Variants in KANK1 observed in about 807,000 individuals in gnomAD.
KANK1 encodes the protein KN motif and ankyrin repeat domain-containing protein 1.
Under a neutral mutation model 106.2 loss-of-function variants are expected in KANK1, and 109 were observed. The ratio of observed to expected loss-of-function variants is 1.03; its 90% CI spans 0.88 to 1.20. The LOEUF (loss-of-function observed/expected upper bound fraction) is 1.20, where lower values mean the gene tolerates loss of function less well. Ranked by LOEUF, KANK1 falls within the 50% of genes most tolerant of loss-of-function variation. The pLI, the probability that KANK1 is intolerant of heterozygous loss-of-function variation, is 0.00. For missense variants in KANK1, 2,399 were observed against 1,710.7 expected (o/e 1.40, Z -7.10); for synonymous variants, 873 against 652.2 (o/e 1.34, Z -5.16).
In KANK1 at chr9:742,411, C is replaced by T. The variant is rs372609027; in HGVS notation, c.3897+6C>T. 10 of 1,607,678 alleles carry T rather than the reference C, an allele frequency of 6.2e-6. No homozygotes were observed. Among genetic ancestry groups the T allele is most frequent in the Non-Finnish European group, 8.5e-6 (10 of 1,176,076 alleles). On this transcript the variant is annotated splice_donor_region_variant and intron_variant, in intron 10 of 11. Coordinates refer to ENST00000382297, the MANE Select transcript of KANK1 (RefSeq NM_015158.5). The stretch of plus-strand genomic sequence containing the variant: ...ACGGTCACCTAGAGGACAACGTAAG[C>T]TGTCTCCATTGGGCCTCCTGGCCAG...
At chr9:589,227 C>T (rs1266294404) in intron 1 of KANK1, among the ~76,000 whole-genome samples, 2 of 152,144 alleles carry the variant, frequency 1.3e-5, no homozygotes, top group Non-Finnish European at 1.5e-5. Flanking sequence ...TTATTAATCT[C>T]ATCTTACAGA....
intron 1 of KANK1, among the ~76,000 whole-genome samples, chr9:602,095 C>T (rs1353336367): frequency 6.6e-6 from 1 of 151,806 alleles, no homozygotes; most frequent in Non-Finnish European, 1.5e-5. Flanking sequence ...TGCACATACC[C>T]TGTAGAAAAA....
chr9:592,916 T>G (rs1825325203), intron 1 of KANK1, among the ~76,000 whole-genome samples: 1 of 151,860 alleles, frequency 6.6e-6, no homozygotes, highest in African/African-American at 2.4e-5. Flanking sequence ...GCTCATTGAC[T>G]TGAGCCAAAT....
At chr9:493,688 C>T (rs1376952159) in intron 3 of KANK1, among the ~76,000 whole-genome samples, 1 of 150,262 alleles carries the variant, frequency 6.7e-6, no homozygotes, top group Non-Finnish European at 1.5e-5. Flanking sequence ...GCTGGGATTA[C>T]AGCTACACAC....
chr9:574,854 CAAAAAA>C (rs57091352), intron 1 of KANK1, among the ~76,000 whole-genome samples: 2 of 79,206 alleles, frequency 2.5e-5, no homozygotes, highest in Non-Finnish European at 6.2e-5. Flanking sequence ...GACTCCGTCT[CAAAAAA>C]AAAAAAAAAA....
intron 1 of KANK1, among the ~76,000 whole-genome samples, chr9:659,683 G>C (rs1355870531): frequency 6.6e-6 from 1 of 151,894 alleles, no homozygotes; most frequent in Non-Finnish European, 1.5e-5. Flanking sequence ...CGTCCTATGT[G>C]GTGGGAGCAG....
At chr9:610,036 C>T (rs965172790) in intron 1 of KANK1, among the ~76,000 whole-genome samples, 4 of 152,098 alleles carry the variant, frequency 2.6e-5, no homozygotes, top group Non-Finnish European at 5.9e-5. Context: ...AATACTGTTA[C>T]ATTAATGTAC....
chr9:732,182 C>A (rs556108190), intron 5 of KANK1, 196 bp from the exon 6 acceptor site: 2 of 558,758 alleles, frequency 3.6e-6, no homozygotes, highest in African/African-American at 1.9e-5. Context: ...TATATGATAC[C>A]GATAACCAGT....
Position 732,377 on chromosome 9 carries a change from G to C in KANK1, c.3006-1G>C. 1 of 1,606,250 alleles carries C rather than the reference G, an allele frequency of 6.2e-7. No individual in the cohort carries two copies. The highest frequency in any genetic ancestry group is 8.5e-7 in the Non-Finnish European group (1 of 1,173,410). ...CTCCTGAAATCCCAATTGCCACCTA[G>C]GTATGAAACAACTTCAAGTGATGAT... On this transcript the variant is annotated splice_acceptor_variant, in intron 5 of 11. Transcript: ENST00000382297. LOFTEE classifies it high-confidence loss of function.
chr9:683,927 T>TG (rs1375536535), intron 2 of KANK1, among the ~76,000 whole-genome samples: 6 of 152,334 alleles, frequency 3.9e-5, no homozygotes, highest in African/African-American at 1.4e-4. Context: ...CTTATAGTGG[T>TG]GGTGTTTGAG....
chr9:523,005 A>C (rs115167500), intron 1 of KANK1, among the ~76,000 whole-genome samples: 6,648 of 151,728 alleles, frequency 0.044, 206 homozygotes, highest in Non-Finnish European at 0.053. Flanking sequence ...GTAAGGTCTC[A>C]GTTCTTGATC....
intron 1 of KANK1, among the ~76,000 whole-genome samples, chr9:525,664 T>C (rs1319708460): frequency 2.0e-5 from 3 of 151,640 alleles, no homozygotes; most frequent in African/African-American, 4.9e-5. Flanking sequence ...CAAAAAGCCG[T>C]AGAATTTCAT....
intron 1 of KANK1, among the ~76,000 whole-genome samples, chr9:609,553 C>T (rs1440719344): frequency 6.6e-6 from 1 of 152,096 alleles, no homozygotes; most frequent in African/African-American, 2.4e-5. Context: ...CATTTGAACC[C>T]CAGGAGGTGG....
rs563251838 is a variant in KANK1, at chr9:668,617, T to G, written c.-83-8273T>G. ...GGTACTATGTTTTAATTTGTTGGGG[T>G]TTTTTTTAGTGTGTTTATCATAGGT... On this transcript the variant is annotated intron_variant, in intron 1 of 11. Transcript: ENST00000382297. Among the ~76,000 whole-genome samples the G allele has an allele frequency of 8.4e-4, 128 of 152,012 alleles. 2 individuals are homozygous for G. The South Asian group carries it at 0.024, about 29-fold the overall frequency.
At chr9:589,909 T>C (rs552636669) in intron 1 of KANK1, among the ~76,000 whole-genome samples, 1 of 152,274 alleles carries the variant, frequency 6.6e-6, no homozygotes, top group South Asian at 2.1e-4. Flanking sequence ...ACGTCTGGGC[T>C]CCAAGTCGAC....
intron 1 of KANK1, among the ~76,000 whole-genome samples, chr9:594,783 TGAG>T (rs1252542423): frequency 6.6e-6 from 1 of 151,850 alleles, no homozygotes; most frequent in Non-Finnish European, 1.5e-5. Context: ...ACACTTTAAA[TGAG>T]GAGAAGGCTT....
intron 1 of KANK1, among the ~76,000 whole-genome samples, chr9:554,161 C>T (rs1351499799): frequency 2.0e-5 from 3 of 152,206 alleles, no homozygotes; most frequent in Non-Finnish European, 4.4e-5. Context: ...CCCAAGAAGT[C>T]TCAAGATCTG....
chr9:730,839 C>G (rs1047330746), intron 4 of KANK1: 1 of 206,860 alleles, frequency 4.8e-6, no homozygotes, highest in South Asian at 9.0e-5. Flanking sequence ...CTGTTTAGTA[C>G]GTAAATGGTC....
intron 2 of KANK1, among the ~76,000 whole-genome samples, chr9:700,352 G>C (rs554841038): frequency 4.6e-5 from 7 of 152,332 alleles, no homozygotes; most frequent in Admixed American, 1.3e-4. Flanking sequence ...GGGTCTCAAA[G>C]AGCTTAGTGC....
Sources: gnomAD v4.1 joint callset for allele counts (sites outside exome capture counted in the v4.1 genomes callset) on GRCh38, gnomAD v4.1.1 for gene constraint, MANE v1.5 for transcripts, NCBI Gene and HGNC (gene_info 2026-07-23, HGNC 2026-07-21) for gene names.